CD226: variants seen among roughly 807,000 people sequenced by gnomAD.
CD226 encodes the protein CD226 molecule, also known as CD226 antigen.
Under a neutral mutation model 34.9 loss-of-function variants are expected in CD226, and 24 were observed. The observed-to-expected ratio is 0.69, with a 90% CI of 0.50 to 0.97. The LOEUF is 0.97. CD226 is among the 50% of genes least tolerant of loss of function. The pLI, the probability that CD226 is intolerant of heterozygous loss-of-function variation, is 0.00. For synonymous variants in CD226, 148 were observed against 147.4 expected (o/e 1.00, Z -0.03); for missense variants, 397 against 412.7 (o/e 0.96, Z 0.33).
intron 2 of CD226, among the ~76,000 whole-genome samples, chr18:69,926,627 A>G (rs932095490): frequency 6.6e-6 from 1 of 152,218 alleles, no homozygotes; most frequent in African/African-American, 2.4e-5. Context: ...TTTCAGACTC[A>G]ACAAGATATC....
chr18:69,947,194 T>A, intron 1 of CD226, 125 bp from the exon 2 acceptor site: 1 of 944,408 alleles, frequency 1.1e-6, no homozygotes, highest in Non-Finnish European at 1.6e-6. Context: ...TGCCTTTGTC[T>A]AAAAAGGCGT....
chr18:69,886,710 A>T (rs750004003), intron 3 of CD226, among the ~76,000 whole-genome samples: 5 of 152,052 alleles, frequency 3.3e-5, no homozygotes, highest in African/African-American at 7.2e-5. Flanking sequence ...TGTCTCAAAA[A>T]AAAAATAAAA....
chr18:69,919,861 A>G (rs1286445837), intron 2 of CD226, among the ~76,000 whole-genome samples: 1 of 150,958 alleles, frequency 6.6e-6, no homozygotes, highest in Admixed American at 6.6e-5. Flanking sequence ...ACTTTCATCT[A>G]CTTTTGTTGT....
At chr18:69,958,232 TAA>T (rs2055911909), upstream of CD226, among the ~76,000 whole-genome samples, 1 of 152,196 alleles carries the variant, frequency 6.6e-6, no homozygotes, top group Non-Finnish European at 1.5e-5. Flanking sequence ...CAGGCCCAGG[TAA>T]AGTCTCTTAT....
chr18:69,872,172 G>T (rs992330459), intron 4 of CD226, among the ~76,000 whole-genome samples: 1 of 151,774 alleles, frequency 6.6e-6, no homozygotes, highest in Admixed American at 6.6e-5. Context: ...AAGTATCTAT[G>T]ATATGCCAGA....
chr18:69,887,576 T>A (rs1984634409), intron 3 of CD226, among the ~76,000 whole-genome samples: 1 of 152,178 alleles, frequency 6.6e-6, no homozygotes. Flanking sequence ...ATCATCACAA[T>A]AAGGTTTTTT....
At chr18:69,866,718 C>T (rs925050968) in intron 5 of CD226, among the ~76,000 whole-genome samples, 5 of 152,044 alleles carry the variant, frequency 3.3e-5, no homozygotes, top group African/African-American at 1.2e-4. Context: ...CATAATGTGA[C>T]CTCATTTGAA....
Position 69,857,420 on chromosome 18 carries a change from G to A in CD226, c.*6894C>T, listed in dbSNP as rs1156244710. On this transcript the variant is annotated 3_prime_UTR_variant, in exon 6 of 6. Transcript: ENST00000582621. ...TACTCAGAAAACTTAGTATCACTGAGAGTATATTGGAGAGCTCAAAGTCTT... is the reference window on the plus strand; with the variant it reads ...TACTCAGAAAACTTAGTATCACTGAAAGTATATTGGAGAGCTCAAAGTCTT... 1.3e-5 allele frequency: 2 copies of A among 152,178 alleles called. No homozygotes were observed. Among genetic ancestry groups the A allele is most frequent in the African/African-American group, 4.8e-5 (2 of 41,452 alleles). 9.4% of individuals were successfully genotyped at this position (152,178 alleles called of 1,614,324 possible). A position where few individuals can be genotyped will look rare whatever the true frequency, so the allele number is the denominator to read the frequency against.
At chr18:69,891,017 C>CA (rs60491291) in intron 3 of CD226, among the ~76,000 whole-genome samples, 11,772 of 110,750 alleles carry the variant, frequency 0.11, 780 homozygotes, top group African/African-American at 0.16. Flanking sequence ...AAAGACACCA[C>CA]AAAAAAAAAA....
At chr18:69,892,160 T>C (rs1226626882) in intron 3 of CD226, among the ~76,000 whole-genome samples, 5 of 152,240 alleles carry the variant, frequency 3.3e-5, no homozygotes, top group South Asian at 2.1e-4. Context: ...TGAGTAATTA[T>C]ACTTATCAAT....
chr18:69,944,242 A>G (rs979064162), intron 2 of CD226, among the ~76,000 whole-genome samples: 5 of 152,198 alleles, frequency 3.3e-5, no homozygotes, highest in African/African-American at 1.2e-4. Context: ...ACAAATAATC[A>G]AAACAAGAGC....
At chr18:69,944,607 C>T (rs2055766942) in intron 2 of CD226, 1 of 152,248 alleles carries the variant, frequency 6.6e-6, no homozygotes, top group Non-Finnish European at 1.5e-5. Flanking sequence ...GGAACCCAAA[C>T]TTTAAAGGCA....
chr18:69,947,135 G>T, intron 1 of CD226, 66 bp from the exon 2 acceptor site: 1 of 1,350,106 alleles, frequency 7.4e-7, no homozygotes, highest in Non-Finnish European at 1.0e-6. Flanking sequence ...AATATCTTAA[G>T]CTTTTGAAGA....
chr18:69,959,818 G>A (rs1386041868), upstream of CD226, among the ~76,000 whole-genome samples: 2 of 152,144 alleles, frequency 1.3e-5, no homozygotes, highest in Non-Finnish European at 2.9e-5. Flanking sequence ...TGCTAAATAT[G>A]GCACAGCCAG....
chr18:69,874,796 C>A (rs1264746710), intron 3 of CD226, among the ~76,000 whole-genome samples: 2 of 152,150 alleles, frequency 1.3e-5, no homozygotes, highest in South Asian at 2.1e-4. Flanking sequence ...CGTTTTAGAC[C>A]TAGATTCCAC....
At chr18:69,896,331 G>A (rs1337804775) in intron 2 of CD226, 35 of 182,628 alleles carry the variant, frequency 1.9e-4, no homozygotes, top group Non-Finnish European at 2.9e-4. Context: ...ATAGGCGCCC[G>A]CCACCGCGCC....
In CD226 at chr18:69,862,589, AT is replaced by A. The variant is rs1026927844; in HGVS notation, c.*1724del. The stretch of plus-strand genomic sequence containing the variant: ...GCACAACCAGGAAATGGTCGTTTTT[AT>A]TTTTTCACTCCTGAAAAGGGTTAAA... On this transcript the variant is annotated 3_prime_UTR_variant, in exon 6 of 6. Transcript: ENST00000582621. 1.3e-5 allele frequency: 2 copies of A among 151,364 alleles called. No homozygotes were observed. The highest frequency in any genetic ancestry group is 4.8e-5 in the African/African-American group (2 of 41,270). 9.4% of individuals were successfully genotyped at this position (151,364 alleles called of 1,614,324 possible).
rs529416155 is a variant in CD226, at chr18:69,861,064, T to A, written c.*3250A>T. ...TAATGCCATTCTATACAAACCAATA[T>A]AACTTGGATGTTCACAATCCACGAA... On this transcript the variant is annotated 3_prime_UTR_variant, in exon 6 of 6. Coordinates refer to ENST00000582621, the MANE Select transcript of CD226 (RefSeq NM_001303618.2). The A allele has an allele frequency of 1.3e-5, 2 of 152,038 alleles. No individual in the cohort carries two copies. The highest frequency in any genetic ancestry group is 1.9e-4 in the East Asian group (1 of 5,200). 9.4% of individuals were successfully genotyped at this position (152,038 alleles called of 1,614,324 possible).
intron 2 of CD226, among the ~76,000 whole-genome samples, chr18:69,941,258 C>G (rs2055720598): frequency 6.6e-6 from 1 of 152,346 alleles, no homozygotes; most frequent in East Asian, 1.9e-4. Context: ...CACAGAATCC[C>G]CACTGGGGCA....
Sources: gnomAD v4.1 joint callset for allele counts (sites outside exome capture counted in the v4.1 genomes callset) on GRCh38, gnomAD v4.1.1 for gene constraint, MANE v1.5 for transcripts, NCBI Gene and HGNC (gene_info 2026-07-23, HGNC 2026-07-21) for gene names.